GRIA4: variants seen among roughly 807,000 people sequenced by gnomAD.
GRIA4 encodes the protein glutamate receptor 4.
GRIA4 carries 34 observed loss-of-function variants against 104.0 expected under a neutral mutation model. That is an observed-to-expected ratio of 0.33 (90% CI 0.25 to 0.44). GRIA4 has a LOEUF of 0.44. Among genes scored for constraint, GRIA4 ranks in the 20% least tolerant of loss-of-function variants. GRIA4 has a pLI of 1.00. For missense variants in GRIA4, 750 were observed against 1,096.5 expected (o/e 0.68, Z 4.46); for synonymous variants, 386 against 381.9 (o/e 1.01, Z -0.13).
intron 8 of GRIA4, 118 bp downstream of exon 8, chr11:105,904,099 A>T (rs780489747): frequency 8.8e-6 from 6 of 685,562 alleles, no homozygotes; most frequent in Non-Finnish European, 1.5e-5. Context: ...ACTTAAATAT[A>T]TCAAGCCATC....
chr11:105,812,733 C>A (rs1387642141), intron 4 of GRIA4, among the ~76,000 whole-genome samples: 1 of 152,082 alleles, frequency 6.6e-6, no homozygotes, highest in Non-Finnish European at 1.5e-5. Context: ...CTAAATCATT[C>A]TGCTCATAAA....
At chr11:105,684,546 CATAT>C (rs72399419) in intron 3 of GRIA4, among the ~76,000 whole-genome samples, 6 of 144,982 alleles carry the variant, frequency 4.1e-5, no homozygotes, top group Admixed American at 2.1e-4. Context: ...TATATATATA[CATAT>C]ATATATATAT....
At chr11:105,712,150 A>T (rs1001717039) in intron 3 of GRIA4, among the ~76,000 whole-genome samples, 3 of 152,174 alleles carry the variant, frequency 2.0e-5, no homozygotes, top group Non-Finnish European at 2.9e-5. Flanking sequence ...GTAAATAGGT[A>T]CAGCTCACTG....
At chr11:105,939,712 A>G (rs990677114) in intron 14 of GRIA4, among the ~76,000 whole-genome samples, 16 of 152,206 alleles carry the variant, frequency 1.1e-4, no homozygotes, top group African/African-American at 3.9e-4. Context: ...ACTTCTATAA[A>G]GTGGCTTACA....
At chr11:105,964,805 G>GTTTTTTTTTTTTTTTTTTTTT (rs1565369695) in intron 14 of GRIA4, among the ~76,000 whole-genome samples, 13 of 141,344 alleles carry the variant, frequency 9.2e-5, no homozygotes, top group South Asian at 2.1e-4. Context: ...TTTTTTTTTT[G>GTTTTTTTTTTTTTTTTTTTTT]TTTGTTTGTT....
At chr11:105,885,063 G>A (rs1416020746) in intron 5 of GRIA4, among the ~76,000 whole-genome samples, 1 of 152,120 alleles carries the variant, frequency 6.6e-6, no homozygotes, top group Non-Finnish European at 1.5e-5. Context: ...ATAAATAACG[G>A]ATTGCTGAGT....
intron 3 of GRIA4, among the ~76,000 whole-genome samples, chr11:105,653,828 G>A (rs749046035): frequency 6.6e-6 from 1 of 151,744 alleles, no homozygotes; most frequent in Non-Finnish European, 1.5e-5. Context: ...CTTGAAGAAT[G>A]AATAAAAAGT....
At chr11:105,875,338 G>A (rs908223627) in intron 5 of GRIA4, among the ~76,000 whole-genome samples, 5 of 152,102 alleles carry the variant, frequency 3.3e-5, no homozygotes, top group Admixed American at 6.5e-5. Flanking sequence ...GAGGATTTTC[G>A]CATTGATGTT....
At chr11:105,796,058 T>C (rs1397364046) in intron 4 of GRIA4, among the ~76,000 whole-genome samples, 1 of 152,130 alleles carries the variant, frequency 6.6e-6, no homozygotes, top group Non-Finnish European at 1.5e-5. Flanking sequence ...CGTAGTGACT[T>C]CTTGATAACC....
intron 3 of GRIA4, among the ~76,000 whole-genome samples, chr11:105,741,063 A>C (rs1249847014): frequency 6.6e-6 from 1 of 152,204 alleles, no homozygotes; most frequent in African/African-American, 2.4e-5. Context: ...ACTGGGCAAA[A>C]AATGGCAGCG....
At chr11:105,801,295 A>T (rs957587536) in intron 4 of GRIA4, among the ~76,000 whole-genome samples, 2 of 151,802 alleles carry the variant, frequency 1.3e-5, no homozygotes, top group African/African-American at 4.8e-5. Flanking sequence ...TTAGATTGTG[A>T]TATTGAATGT....
chr11:105,920,266 A>G (rs1289888073), intron 11 of GRIA4, among the ~76,000 whole-genome samples: 1 of 152,172 alleles, frequency 6.6e-6, no homozygotes, highest in Non-Finnish European at 1.5e-5. Context: ...GAGTTCATCG[A>G]CTGTTTCATA....
intron 14 of GRIA4, among the ~76,000 whole-genome samples, chr11:105,947,972 T>A (rs1303685251): frequency 6.6e-6 from 1 of 152,202 alleles, no homozygotes; most frequent in Non-Finnish European, 1.5e-5. Context: ...TTCAGAATTC[T>A]TAGGCTTCAA....
intron 4 of GRIA4, among the ~76,000 whole-genome samples, chr11:105,860,378 C>T (rs2136015113): frequency 6.6e-6 from 1 of 152,224 alleles, no homozygotes; most frequent in African/African-American, 2.4e-5. Flanking sequence ...CAAATATGCC[C>T]TAATCTTCCA....
intron 4 of GRIA4, among the ~76,000 whole-genome samples, chr11:105,812,387 C>A (rs936450477): frequency 1.3e-5 from 2 of 152,172 alleles, no homozygotes; most frequent in African/African-American, 4.8e-5. Flanking sequence ...CTACCTGGGA[C>A]CATCTTCTAG....
At chr11:105,771,754 A>G (rs1456437210) in intron 4 of GRIA4, among the ~76,000 whole-genome samples, 3 of 152,080 alleles carry the variant, frequency 2.0e-5, no homozygotes, top group African/African-American at 7.2e-5. Flanking sequence ...TTAAATAATC[A>G]TATTGGAAAA....
intron 3 of GRIA4, among the ~76,000 whole-genome samples, chr11:105,664,847 C>T (rs972259666): frequency 2.4e-4 from 36 of 151,906 alleles, no homozygotes; most frequent in Admixed American, 2.2e-3. Context: ...CTAATATGCA[C>T]CTCACAATAG....
chr11:105,772,996 GA>G (rs746883223), intron 4 of GRIA4, among the ~76,000 whole-genome samples: 1 of 152,090 alleles, frequency 6.6e-6, no homozygotes, highest in Non-Finnish European at 1.5e-5. Flanking sequence ...ACAGCAAAAT[GA>G]ATTCAACAAT....
At chr11:105,753,280 T>C in intron 4 of GRIA4, 60 bp downstream of exon 4, 8 of 1,509,452 alleles carry the variant, frequency 5.3e-6, no homozygotes, top group Non-Finnish European at 7.3e-6. Context: ...GAAATGGCCT[T>C]ATATGACTTC....
Sources: gnomAD v4.1 joint callset for allele counts (sites outside exome capture counted in the v4.1 genomes callset) on GRCh38, gnomAD v4.1.1 for gene constraint, MANE v1.5 for transcripts, NCBI Gene and HGNC (gene_info 2026-07-23, HGNC 2026-07-21) for gene names.